NXF1: variants seen among roughly 807,000 people sequenced by gnomAD.
The protein encoded by NXF1 is mRNA export factor TAP.
NXF1 carries 43 observed loss-of-function variants against 92.4 expected under a neutral mutation model. The observed-to-expected ratio is 0.47, with a 90% CI of 0.36 to 0.60. The LOEUF is 0.60. Ranked by LOEUF, NXF1 falls within the 20% of genes least tolerant of loss-of-function variation. The pLI is 0.00. For missense variants in NXF1, 576 were observed against 793.0 expected (o/e 0.73, Z 3.29); for synonymous variants, 288 against 292.2 (o/e 0.99, Z 0.15).
At chr11:62,804,566 G>A (rs2084513777) in intron 1 of NXF1, among the ~76,000 whole-genome samples, 1 of 152,162 alleles carries the variant, frequency 6.6e-6, no homozygotes, top group Non-Finnish European at 1.5e-5. Context: ...TGTAGGACTG[G>A]CGTCTTAAAA....
rs2084481275 is a variant in NXF1 at position 62,801,745 on chromosome 11, CTGTTCTACT to C, written c.624_632del (p.Val209_Gln211del). The C allele has an allele frequency of 3.1e-6, 5 of 1,613,692 alleles. No homozygotes were observed. Among genetic ancestry groups the C allele is most frequent in the Non-Finnish European group, 4.2e-6 (5 of 1,179,580 alleles). ...TAATTTGAGCCTGCCTCACCTTTAG[CTGTTCTACT>C]TGTTCTGGCTTCAGTTCATTCAGTA... On this transcript the variant is annotated inframe_deletion, in exon 6 of 21. Transcript: ENST00000294172.
intron 6 of NXF1, 41 bp downstream of exon 6, chr11:62,801,697 AG>A: frequency 6.2e-7 from 1 of 1,608,964 alleles, no homozygotes; most frequent in Non-Finnish European, 8.5e-7. Flanking sequence ...TGTGAGAAGT[AG>A]TAAGACTGGG....
At chr11:62,798,194 G>T (rs1004934178) in intron 11 of NXF1, among the ~76,000 whole-genome samples, 1 of 151,366 alleles carries the variant, frequency 6.6e-6, no homozygotes, top group Non-Finnish European at 1.5e-5. Context: ...TTGGGAGGCC[G>T]AGGTAGGTGG....
At chr11:62,804,059 G>A in intron 1 of NXF1, 81 bp from the exon 2 acceptor site, 2 of 1,598,740 alleles carry the variant, frequency 1.3e-6, no homozygotes, top group African/African-American at 1.3e-5. Context: ...CTAGTACTCT[G>A]AACTATTGGA....
intron 11 of NXF1, among the ~76,000 whole-genome samples, chr11:62,797,626 A>G (rs1172429340): frequency 2.6e-5 from 4 of 152,166 alleles, no homozygotes; most frequent in Non-Finnish European, 5.9e-5. Context: ...GGATCACTTG[A>G]GCCTGGCAGG....
At chr11:62,792,878 A>T in intron 19 of NXF1, 177 bp from the exon 20 acceptor site, 1 of 605,234 alleles carries the variant, frequency 1.7e-6, no homozygotes, top group East Asian at 2.8e-5. Context: ...ATGGCTTCTC[A>T]AAGATAAGGA....
intron 13 of NXF1, chr11:62,796,800 G>A (rs908455255): frequency 1.6e-5 from 9 of 558,388 alleles, no homozygotes; most frequent in Non-Finnish European, 2.9e-5. Context: ...TAGGTGCGGT[G>A]GCTCACGCCT....
chr11:62,794,513 ATT>A, intron 18 of NXF1, 73 bp from the exon 19 acceptor site: 1 of 1,346,194 alleles, frequency 7.4e-7, no homozygotes, highest in Non-Finnish European at 1.0e-6. Context: ...CTATTCTCTG[ATT>A]CTTTCAATAT....
intron 1 of NXF1, among the ~76,000 whole-genome samples, chr11:62,804,683 A>T (rs2134784224): frequency 6.6e-6 from 1 of 152,350 alleles, no homozygotes; most frequent in Admixed American, 6.5e-5. Flanking sequence ...CGCAGCTAAC[A>T]TTCACTGAGA....
intron 17 of NXF1, 59 bp downstream of exon 17, chr11:62,795,842 G>A: frequency 6.6e-7 from 1 of 1,509,752 alleles, no homozygotes; most frequent in South Asian, 1.1e-5. Context: ...AGAGTGCTGA[G>A]GAAAATTCCA....
chr11:62,792,491 C>T lies in NXF1; in HGVS notation c.1845G>A (p.Val615=). The T allele has an allele frequency of 1.9e-6, 3 of 1,614,206 alleles. No individual in the cohort carries two copies. The highest frequency in any genetic ancestry group is 1.3e-5 in the African/African-American group (1 of 75,052). ...HLKAKGEIPE[V]AFMK The stretch of plus-strand genomic sequence containing the variant: ...ATGACTACGATCACTTCATGAATGC[C>T]ACTTCTGGGATCTCGCCCTTGGCCT... Residue 615 remains valine (V), a synonymous_variant, in exon 21 of 21, where the codon GTG becomes GTA. Transcript: ENST00000294172.
rs1308263602 is a variant in NXF1, at chr11:62,801,610, C to T, written c.661G>A (p.Asp221Asn). Residue 221 changes from aspartate to asparagine, a missense_variant, in exon 7 of 21, where the codon GAT (aspartate) becomes AAT (asparagine). Transcript: ENST00000294172. The stretch of plus-strand genomic sequence containing the variant: ...AGGTCAAGGGCTTGTTGGGAGCCAT[C>T]GTATCGTTTGCTCATGATCAGCTAG... ...QLKLIMSKRY[D>N]GSQQALDLKG... The T allele has an allele frequency of 6.8e-6, 11 of 1,613,572 alleles. No individual in the cohort carries two copies. The highest frequency in any genetic ancestry group is 6.7e-5 in the Admixed American group (4 of 59,976).
At chr11:62,801,015 G>T in intron 9 of NXF1, 79 bp downstream of exon 9, 1 of 1,049,304 alleles carries the variant, frequency 9.5e-7, no homozygotes, top group Non-Finnish European at 1.5e-6. Flanking sequence ...TCTCTCTCTT[G>T]CCTCTTGCCA....
chr11:62,802,172 C>T lies in NXF1; in HGVS notation c.453+5G>A, dbSNP rs1282331353. ...GGCCAGCCAGCCACTCAGGCCTTGT[C>T]TTACCTCAATAGGGGTGAAGGGCAC... On this transcript the variant is annotated splice_donor_5th_base_variant and intron_variant, in intron 4 of 20. Coordinates refer to ENST00000294172, the MANE Select transcript of NXF1 (RefSeq NM_006362.5). The T allele has an allele frequency of 3.1e-6, 5 of 1,614,124 alleles. No individual in the cohort carries two copies. In the South Asian group the frequency reaches 4.4e-5, roughly 14 times the overall value.
At chr11:62,794,721 A>G in intron 18 of NXF1, 1 of 592,876 alleles carries the variant, frequency 1.7e-6, no homozygotes, top group Non-Finnish European at 3.0e-6. Context: ...ATGAGGCAGC[A>G]GCCTACTTGC....
intron 8 of NXF1, 33 bp downstream of exon 8, chr11:62,801,296 T>G: frequency 6.2e-7 from 1 of 1,610,986 alleles, no homozygotes; most frequent in Non-Finnish European, 8.5e-7. Flanking sequence ...ACACCCTGCT[T>G]CCTCATGCCT....
At position 62,795,021 on chromosome 11, in the gene NXF1, A is replaced by C. The variant is rs2084405935; in HGVS notation, c.1505-14T>G. 1.9e-6 allele frequency: 3 copies of C among 1,613,142 alleles called. No homozygotes were observed. The highest frequency in any genetic ancestry group is 3.3e-5 in the Admixed American group (2 of 59,994). ...ACTTTCCGTCCACTGCAATAAGAAC[A>C]GCAACAACACCTTAGGGTCACTAGT... On this transcript the variant is annotated splice_polypyrimidine_tract_variant and intron_variant, in intron 17 of 20. Coordinates refer to ENST00000294172, the MANE Select transcript of NXF1 (RefSeq NM_006362.5).
At chr11:62,797,089 CA>C (rs989728591) in intron 13 of NXF1, 93 bp downstream of exon 13, 1 of 809,960 alleles carries the variant, frequency 1.2e-6, no homozygotes, top group Non-Finnish European at 1.9e-6. Context: ...AAAAACAAAA[CA>C]AAAAACAAAA....
intron 11 of NXF1, 126 bp downstream of exon 11, chr11:62,798,413 G>A (rs913014064): frequency 1.3e-5 from 18 of 1,373,608 alleles, no homozygotes; most frequent in African/African-American, 1.2e-4. Flanking sequence ...CAGCCTGGGC[G>A]ACGAGTGAAA....
Sources: gnomAD v4.1 joint callset for allele counts (sites outside exome capture counted in the v4.1 genomes callset) on GRCh38, gnomAD v4.1.1 for gene constraint, MANE v1.5 for transcripts, NCBI Gene and HGNC (gene_info 2026-07-23, HGNC 2026-07-21) for gene names.